The following PTPRJ variants were observed in gnomAD, a reference collection of about 807,000 sequenced individuals.
PTPRJ encodes protein tyrosine phosphatase receptor type J.
A neutral mutation model predicts 141.3 loss-of-function variants in PTPRJ; 129 were observed. The observed-to-expected ratio is 0.91, with a 90% CI of 0.79 to 1.06. The LOEUF (loss-of-function observed/expected upper bound fraction) is 1.06. Ranked by LOEUF, PTPRJ falls within the 50% of genes least tolerant of loss-of-function variation. PTPRJ has a pLI of 0.00. For synonymous variants in PTPRJ, 610 were observed against 640.5 expected (o/e 0.95, Z 0.72); for missense variants, 1,601 against 1,679.7 (o/e 0.95, Z 0.82).
Position 48,121,108 on chromosome 11 carries a change from T to G in PTPRJ, c.458T>G (p.Val153Gly). The G allele has an allele frequency of 6.2e-7, 1 of 1,614,098 alleles. No homozygotes were observed. ...DTAASEYKYV[V>G]KHKMENEKTI... ...GCTGCTTCTGAGTACAAGTATGTAG[T>G]AAAGCATAAGATGGAAAATGAGAAG... Residue 153 changes from valine (V) to glycine (G), a missense_variant, in exon 4 of 25, where the codon GTA becomes GGA. By Grantham distance (109) the Val-to-Gly change is moderately radical (BLOSUM62 -3). Coordinates refer to ENST00000418331, the MANE Select transcript of PTPRJ (RefSeq NM_002843.4).
At chr11:48,018,919 C>T (rs1438392868) in intron 1 of PTPRJ, among the ~76,000 whole-genome samples, 2 of 152,188 alleles carry the variant, frequency 1.3e-5, no homozygotes, top group African/African-American at 4.8e-5. Context: ...CTCCCCGACC[C>T]CTCGCCTCTG....
Position 48,123,764 on chromosome 11 carries a change from G to A in PTPRJ, c.768G>A (p.Gln256=). The change falls in exon 5 of 25, where the codon CAG becomes CAA. Residue 256 remains glutamine (Q), a synonymous_variant. Coordinates refer to ENST00000418331, the MANE Select transcript of PTPRJ (RefSeq NM_002843.4). ...HEELTQDSRL[Q]VNISGLKPGV... is the part of the protein sequence containing the mutation. ...AGTTGACTCAAGACTCAAGACTTCAGGTCAATATCTCGGGCCTGAAGCCAG... is the reference window on the plus strand; with the variant it reads ...AGTTGACTCAAGACTCAAGACTTCAAGTCAATATCTCGGGCCTGAAGCCAG... The A allele has an allele frequency of 1.2e-6, 2 of 1,614,104 alleles. No homozygotes were observed. Among genetic ancestry groups the A allele is most frequent in the Non-Finnish European group, 1.7e-6 (2 of 1,180,014 alleles).
chr11:48,051,788 T>G (rs1854578146), intron 1 of PTPRJ, among the ~76,000 whole-genome samples: 1 of 152,246 alleles, frequency 6.6e-6, no homozygotes, highest in Non-Finnish European at 1.5e-5. Context: ...TCTGGCATTT[T>G]GAGCATGAGT....
chr11:48,167,000 T>C (rs984522982), intron 24 of PTPRJ, among the ~76,000 whole-genome samples: 1 of 152,228 alleles, frequency 6.6e-6, no homozygotes, highest in African/African-American at 2.4e-5. Context: ...TTGAGAATCA[T>C]TGAGGAAGGA....
At chr11:48,153,701 G>A in intron 18 of PTPRJ, 95 bp from the exon 19 acceptor site, 1 of 771,228 alleles carries the variant, frequency 1.3e-6, no homozygotes, top group East Asian at 2.6e-5. Flanking sequence ...CTTGTCTATG[G>A]GACTGTTGGG....
intron 1 of PTPRJ, among the ~76,000 whole-genome samples, chr11:47,999,033 G>A (rs567333979): frequency 6.6e-6 from 1 of 152,182 alleles, no homozygotes; most frequent in Non-Finnish European, 1.5e-5. Flanking sequence ...AAGTTTAAAA[G>A]GATCATCCCC....
intron 18 of PTPRJ, among the ~76,000 whole-genome samples, chr11:48,153,340 C>G (rs909807560): frequency 1.3e-5 from 2 of 151,884 alleles, no homozygotes; most frequent in African/African-American, 4.8e-5. Flanking sequence ...CGAGACCATC[C>G]TGGCTAACAT....
At position 48,008,406 on chromosome 11, in the gene PTPRJ, T is replaced by C. The variant is rs571430819; in HGVS notation, c.96+27398T>C. Among the ~76,000 whole-genome samples the C allele has an allele frequency of 3.4e-3, 513 of 151,764 alleles. 6 individuals are homozygous for C. Among genetic ancestry groups the C allele is most frequent in the South Asian group, 0.018 (88 of 4,808 alleles). On this transcript the variant is annotated intron_variant, in intron 1 of 24. Coordinates refer to ENST00000418331, the MANE Select transcript of PTPRJ (RefSeq NM_002843.4). ...TCCCGAGTAGCAGGGATTACAGGCA[T>C]GTGCCACCACGCCCAGCTAATTTTT...
chr11:48,151,731 AATG>A (rs1444482655), intron 18 of PTPRJ, among the ~76,000 whole-genome samples: 2 of 151,570 alleles, frequency 1.3e-5, no homozygotes, highest in African/African-American at 4.9e-5. Context: ...GTTTGCTGAG[AATG>A]ATGGTTTCCA....
intron 1 of PTPRJ, among the ~76,000 whole-genome samples, chr11:48,035,108 C>A (rs190070341): frequency 1.3e-5 from 2 of 152,208 alleles, no homozygotes; most frequent in South Asian, 4.1e-4. Context: ...TGGTGATTCA[C>A]GGCACCTGGC....
chr11:48,118,620 T>C (rs1856626169), intron 3 of PTPRJ, among the ~76,000 whole-genome samples: 1 of 152,154 alleles, frequency 6.6e-6, no homozygotes, highest in Non-Finnish European at 1.5e-5. Context: ...ACTGGGATTC[T>C]TCCTAGAAAT....
At chr11:48,144,255 T>C (rs185516116) in intron 12 of PTPRJ, among the ~76,000 whole-genome samples, 1 of 152,336 alleles carries the variant, frequency 6.6e-6, no homozygotes, top group Non-Finnish European at 1.5e-5. Flanking sequence ...GTCATTTTGC[T>C]GTGATGCTTG....
At chr11:48,133,528 A>G (rs180824026) in intron 8 of PTPRJ, among the ~76,000 whole-genome samples, 19 of 152,312 alleles carry the variant, frequency 1.2e-4, no homozygotes, top group Admixed American at 1.1e-3. Context: ...TGTTATTGGA[A>G]AAAGTCAGCT....
At chr11:48,016,214 A>G (rs903722444) in intron 1 of PTPRJ, among the ~76,000 whole-genome samples, 3 of 152,094 alleles carry the variant, frequency 2.0e-5, no homozygotes, top group African/African-American at 7.2e-5. Flanking sequence ...GAGAACCCAT[A>G]CCTCTGCTTC....
intron 1 of PTPRJ, among the ~76,000 whole-genome samples, chr11:48,044,177 A>T (rs1294649138): frequency 1.3e-5 from 2 of 152,230 alleles, no homozygotes; most frequent in Admixed American, 6.5e-5. Context: ...CTTCTCTGGT[A>T]TAGTGAGGTC....
At chr11:48,069,699 C>T (rs928216559) in intron 1 of PTPRJ, among the ~76,000 whole-genome samples, 1 of 152,140 alleles carries the variant, frequency 6.6e-6, no homozygotes, top group African/African-American at 2.4e-5. Context: ...GATCCGCCCA[C>T]CTCAGCCTCC....
rs1857937731 is a variant in PTPRJ, at chr11:48,167,231, G to A, written c.3883G>A (p.Val1295Ile). The A allele has an allele frequency of 1.9e-6, 3 of 1,612,248 alleles. No individual in the cohort carries two copies. Among genetic ancestry groups the A allele is most frequent in the Admixed American group, 3.3e-5 (2 of 59,982 alleles). Reference protein sequence around the residue: ...EDQYVFLNQCVLDIVRSQKDS... With the variant: ...EDQYVFLNQCILDIVRSQKDS... ...CCAGTATGTTTTCCTCAATCAGTGT[G>A]TTTTGGATATTGTCAGATCCCAGAA... is the stretch of plus-strand genomic sequence containing the variant. The change falls in exon 25 of 25, where the codon GTT becomes ATT. Residue 1295 changes from valine (V) to isoleucine (I), a missense_variant. By Grantham distance (29) the Val-to-Ile change is conservative. Coordinates refer to ENST00000418331, the MANE Select transcript of PTPRJ (RefSeq NM_002843.4).
chr11:48,089,537 A>C (rs946984145), intron 1 of PTPRJ, among the ~76,000 whole-genome samples: 4 of 149,488 alleles, frequency 2.7e-5, no homozygotes, highest in Non-Finnish European at 4.5e-5. Context: ...AAAAAACAAA[A>C]AAAACCCACA....
At chr11:48,146,595 G>A (rs1857356227) in intron 14 of PTPRJ, among the ~76,000 whole-genome samples, 1 of 152,182 alleles carries the variant, frequency 6.6e-6, no homozygotes, top group African/African-American at 2.4e-5. Context: ...ATTTGCAGTT[G>A]AGGAGACAGA....
Sources: allele counts gnomAD v4.1 joint callset (sites outside exome capture counted in the v4.1 genomes callset), GRCh38; gene constraint gnomAD v4.1.1; transcripts MANE v1.5; gene names NCBI Gene and HGNC (gene_info 2026-07-23, HGNC 2026-07-21).